GIPC2: variants seen among roughly 807,000 people sequenced by gnomAD.
GIPC2 encodes the protein PDZ domain-containing protein GIPC2.
GIPC2 carries 30 observed loss-of-function variants against 30.6 expected under a neutral mutation model. The ratio of observed to expected loss-of-function variants is 0.98; its 90% CI spans 0.73 to 1.33. The LOEUF (loss-of-function observed/expected upper bound fraction) is 1.33, where lower values mean the gene tolerates loss of function less well. Among genes scored for constraint, GIPC2 ranks in the 40% most tolerant of loss-of-function variants. GIPC2 has a pLI of 0.00. For missense variants in GIPC2, 414 were observed against 390.3 expected (o/e 1.06, Z -0.51); for synonymous variants, 167 against 150.0 (o/e 1.11, Z -0.83).
chr1:78,109,978 A>G (rs1279360693), intron 3 of GIPC2, among the ~76,000 whole-genome samples: 1 of 149,190 alleles, frequency 6.7e-6, no homozygotes, highest in Non-Finnish European at 1.5e-5. Flanking sequence ...GTAGGTGGGA[A>G]TTGAACAATG....
intron 5 of GIPC2, among the ~76,000 whole-genome samples, chr1:78,129,314 T>TA (rs1374188147): frequency 1.3e-5 from 2 of 152,330 alleles, no homozygotes; most frequent in East Asian, 3.9e-4. Context: ...TAGCATGAAA[T>TA]ATAAATCACA....
Position 78,046,292 on chromosome 1 carries a change from C to G in GIPC2, c.198C>G (p.Leu66=), listed in dbSNP as rs187800751. ...AGGGCTTCTCCAGCATCCAGGAGCT[C>G]TACGCCCAGATCGCGGGCGCGTTTG... ...RVEGFSSIQE[L]YAQIAGAFEI... is the part of the protein sequence containing the mutation. Residue 66 remains leucine, a synonymous_variant, in exon 1 of 6, where the codon CTC becomes CTG. Transcript: ENST00000370759. 7.6e-5 allele frequency: 123 copies of G among 1,611,916 alleles called. No individual in the cohort carries two copies. The East Asian group carries it at 2.2e-3, about 29-fold the overall frequency.
intron 2 of GIPC2, among the ~76,000 whole-genome samples, chr1:78,085,670 T>C (rs1661914489): frequency 6.6e-6 from 1 of 152,074 alleles, no homozygotes; most frequent in South Asian, 2.1e-4. Context: ...GTCCAGGAAT[T>C]TATTCATCTC....
chr1:78,058,973 C>T (rs1334240381), intron 1 of GIPC2, among the ~76,000 whole-genome samples: 2 of 152,148 alleles, frequency 1.3e-5, no homozygotes, highest in Non-Finnish European at 2.9e-5. Flanking sequence ...TCCATTTCAT[C>T]CTTGTCCTTT....
At chr1:78,118,846 A>G (rs879913964) in intron 3 of GIPC2, among the ~76,000 whole-genome samples, 11 of 152,228 alleles carry the variant, frequency 7.2e-5, no homozygotes, top group Admixed American at 5.9e-4. Context: ...TATCAGTAAA[A>G]TGAGGGCAAT....
At chr1:78,079,786 T>C (rs558444973) in intron 1 of GIPC2, among the ~76,000 whole-genome samples, 4 of 152,312 alleles carry the variant, frequency 2.6e-5, no homozygotes, top group Non-Finnish European at 5.9e-5. Context: ...CAGATTATGG[T>C]TGACAAACTT....
chr1:78,093,431 A>G (rs559857859), intron 2 of GIPC2, among the ~76,000 whole-genome samples: 1 of 152,352 alleles, frequency 6.6e-6, no homozygotes, highest in African/African-American at 2.4e-5. Context: ...TTAAATTGGC[A>G]TTATTGTGAC....
chr1:78,091,627 C>T (rs1662041596), intron 2 of GIPC2: 5 of 770,110 alleles, frequency 6.5e-6, no homozygotes, highest in South Asian at 4.0e-5. Flanking sequence ...CTGCCATCCC[C>T]ATCTGGTTAT....
At chr1:78,131,037 A>T (rs983200170) in intron 5 of GIPC2, among the ~76,000 whole-genome samples, 1 of 152,110 alleles carries the variant, frequency 6.6e-6, no homozygotes, top group Non-Finnish European at 1.5e-5. Flanking sequence ...GGGTCTCACT[A>T]TGTTGCCCAG....
intron 2 of GIPC2, 27 bp downstream of exon 2, chr1:78,080,887 C>A (rs775996712): frequency 2.2e-6 from 3 of 1,340,220 alleles, no homozygotes; most frequent in South Asian, 1.5e-5. Flanking sequence ...AACAGTGTAA[C>A]CTAATTGAGG....
Position 78,094,872 on chromosome 1 carries a change from T to C in GIPC2, c.427-80T>C. 3.0e-6 allele frequency: 3 copies of C among 1,008,008 alleles called. No homozygotes were observed. In the South Asian group the frequency reaches 4.9e-5, roughly 17 times the overall value. The allele number at this position is 1,008,008 out of a possible 1,614,324, so 62.4% of individuals were successfully genotyped here. A position where few individuals can be genotyped will look rare whatever the true frequency, so the allele number is the denominator to read the frequency against. ...AGTACTAACCAGGCCCAAACCTGCTTAGCTTCCAAGATCAGATGAGATTGG... is the reference window on the plus strand; with the variant it reads ...AGTACTAACCAGGCCCAAACCTGCTCAGCTTCCAAGATCAGATGAGATTGG... On this transcript the variant is annotated intron_variant, in intron 2 of 5. Transcript: ENST00000370759.
chr1:78,075,067 G>T (rs1661692260), intron 1 of GIPC2, among the ~76,000 whole-genome samples: 1 of 152,168 alleles, frequency 6.6e-6, no homozygotes, highest in Non-Finnish European at 1.5e-5. Context: ...AACATTCTGG[G>T]ATAGGACTGT....
intron 2 of GIPC2, among the ~76,000 whole-genome samples, chr1:78,088,361 G>A (rs1571499215): frequency 6.6e-6 from 1 of 152,164 alleles, no homozygotes; most frequent in African/African-American, 2.4e-5. Context: ...ATGCCAATCA[G>A]CAGCAGACTG....
intron 1 of GIPC2, among the ~76,000 whole-genome samples, chr1:78,056,735 A>C (rs1246238309): frequency 6.6e-6 from 1 of 152,234 alleles, no homozygotes; most frequent in African/African-American, 2.4e-5. Context: ...CCTCCTGAGA[A>C]CCTTCCATGT....
At chr1:78,051,932 A>G (rs1217075757) in intron 1 of GIPC2, among the ~76,000 whole-genome samples, 1 of 152,166 alleles carries the variant, frequency 6.6e-6, no homozygotes, top group African/African-American at 2.4e-5. Flanking sequence ...AAAACTCTTC[A>G]AAAGTTGCTG....
At chr1:78,134,151 T>C (rs977648582) in intron 5 of GIPC2, among the ~76,000 whole-genome samples, 1 of 152,220 alleles carries the variant, frequency 6.6e-6, no homozygotes, top group African/African-American at 2.4e-5. Context: ...TGTATACACA[T>C]GCATGTATGC....
chr1:78,086,812 T>C (rs554472989), intron 2 of GIPC2, among the ~76,000 whole-genome samples: 1 of 152,294 alleles, frequency 6.6e-6, no homozygotes, highest in African/African-American at 2.4e-5. Context: ...CATCCCTTTA[T>C]TTTGAATCTT....
intron 1 of GIPC2, among the ~76,000 whole-genome samples, chr1:78,060,015 T>C (rs562385883): frequency 3.9e-5 from 6 of 152,320 alleles, no homozygotes; most frequent in African/African-American, 1.4e-4. Context: ...TTTTAGAAGC[T>C]GAAGCATATT....
intron 4 of GIPC2, among the ~76,000 whole-genome samples, chr1:78,123,947 T>C (rs1318298128): frequency 6.6e-6 from 1 of 152,252 alleles, no homozygotes; most frequent in Non-Finnish European, 1.5e-5. Context: ...TAAATAAAAA[T>C]GTGAGAAAGT....
Sources: gnomAD v4.1 joint callset for allele counts (sites outside exome capture counted in the v4.1 genomes callset) on GRCh38, gnomAD v4.1.1 for gene constraint, MANE v1.5 for transcripts, NCBI Gene and HGNC (gene_info 2026-07-23, HGNC 2026-07-21) for gene names.